Variants in NFXL1 observed in about 807,000 individuals in gnomAD.
NFXL1 encodes the protein nuclear transcription factor, X-box binding like 1.
In NFXL1, 66 loss-of-function variants were observed where a neutral mutation model predicts 123.3. The ratio of observed to expected loss-of-function variants is 0.54; its 90% CI spans 0.44 to 0.66. The LOEUF is 0.66. Ranked by LOEUF, NFXL1 falls within the 30% of genes least tolerant of loss-of-function variation. The pLI is 0.00. For missense variants in NFXL1, 944 were observed against 1,125.6 expected, an observed-to-expected ratio of 0.84 and a Z score of 2.31; for synonymous variants, 346 against 360.8, an observed-to-expected ratio of 0.96 and a Z score of 0.46.
At chr4:47,855,664 C>T (rs1378007327) in intron 19 of NFXL1, among the ~76,000 whole-genome samples, 9 of 152,106 alleles carry the variant, frequency 5.9e-5, no homozygotes, top group African/African-American at 2.2e-4. Context: ...CTTCCCTGTA[C>T]TGCACTGTGG....
chr4:47,911,624 CAA>C (rs1425562465), intron 2 of NFXL1, among the ~76,000 whole-genome samples: 1 of 152,250 alleles, frequency 6.6e-6, no homozygotes. Flanking sequence ...TTAATCCACA[CAA>C]AGTATTAACA....
intron 17 of NFXL1, among the ~76,000 whole-genome samples, chr4:47,876,026 C>G (rs1389687458): frequency 2.0e-5 from 3 of 151,964 alleles, no homozygotes; most frequent in African/African-American, 7.2e-5. Context: ...GACATGGATA[C>G]TAAATCTTAA....
intron 15 of NFXL1, among the ~76,000 whole-genome samples, chr4:47,881,398 G>C (rs1221621178): frequency 2.0e-5 from 3 of 152,088 alleles, no homozygotes; most frequent in South Asian, 4.2e-4. Flanking sequence ...TGAGAATAAA[G>C]AGCAACAACA....
intron 12 of NFXL1, among the ~76,000 whole-genome samples, chr4:47,888,972 T>G (rs1736612811): frequency 6.6e-6 from 1 of 152,326 alleles, no homozygotes; most frequent in Middle Eastern, 3.4e-3. Flanking sequence ...AGACAAATAC[T>G]GAAATATTTA....
Position 47,878,556 on chromosome 4 carries a change from G to T in NFXL1, c.2048C>A (p.Thr683Asn). ...TTTTCCAGTGCAGCCATCAGTTTTG[G>T]TTACTTTGTGGCATTCTTTCATACA... ...HTCMKECHKV[T>N]KTDGCTGKNK... Residue 683 changes from threonine (T) to asparagine (N), a missense_variant, in exon 17 of 23, where the codon ACC becomes AAC. Physicochemically the swap from Thr to Asn is moderately conservative, Grantham distance 65. Transcript: ENST00000507489. 1 of 1,599,874 alleles carries T rather than the reference G, an allele frequency of 6.3e-7. No individual in the cohort carries two copies. Among genetic ancestry groups the T allele is most frequent in the East Asian group, 2.3e-5 (1 of 44,296 alleles).
chr4:47,849,700 C>G (rs1007448744), intron 22 of NFXL1, among the ~76,000 whole-genome samples: 1 of 152,104 alleles, frequency 6.6e-6, no homozygotes, highest in Admixed American at 6.5e-5. Flanking sequence ...TGGTGACTCA[C>G]AGTCACCAAG....
At chr4:47,850,677 C>A (rs1734067678) in intron 22 of NFXL1, among the ~76,000 whole-genome samples, 1 of 151,962 alleles carries the variant, frequency 6.6e-6, no homozygotes, top group Non-Finnish European at 1.5e-5. Context: ...GATTAGTAAA[C>A]TGCACTTATT....
In NFXL1 at chr4:47,896,548, C is replaced by T. The variant is rs746582969; in HGVS notation, c.1304G>A (p.Arg435Gln). Reference protein sequence around the residue: ...GIHRCSQRCHRGPCETCRQEV... With the variant: ...GIHRCSQRCHQGPCETCRQEV... Reference sequence around the variant, plus strand: ...TTGTCTACATGTTTCACAGGGACCTCGGTGACAACGCTGTGAACATCTATG... The same window carrying T: ...TTGTCTACATGTTTCACAGGGACCTTGGTGACAACGCTGTGAACATCTATG... The change falls in exon 10 of 23, where the codon CGA (arginine) becomes CAA (glutamine). Residue 435 changes from arginine to glutamine, a missense_variant. By Grantham distance (43) the Arg-to-Gln change is conservative (BLOSUM62 1). This residue lies in a region of NFXL1 where 296 missense variants were observed against 395.1 expected (regional missense o/e 0.75). Transcript: ENST00000507489. 10 of 1,613,312 alleles carry T rather than the reference C, an allele frequency of 6.2e-6. No homozygotes were observed. In the East Asian group the frequency reaches 8.9e-5, roughly 14 times the overall value.
Position 47,905,180 on chromosome 4 carries a change from AGGCAAACTAAGGTATTTTG to A in NFXL1, c.516+38_516+56del, listed in dbSNP as rs1349124559. ...GAATAATAAATCGTTAAGTATTGTA[AGGCAAACTAAGGTATTTTG>A]GGGAGATACATTAATATAAATAAGG... On this transcript the variant is annotated intron_variant, in intron 4 of 22. Transcript: ENST00000507489. 8 of 683,362 alleles carry A rather than the reference AGGCAAACTAAGGTATTTTG, an allele frequency of 1.2e-5. No individual in the cohort carries two copies. The East Asian group carries it at 2.1e-4, about 18-fold the overall frequency. The allele number at this position is 683,362 out of a possible 1,614,324, so 42.3% of individuals were successfully genotyped here.
chr4:47,883,774 T>G (rs1736255311), intron 15 of NFXL1, among the ~76,000 whole-genome samples: 1 of 152,208 alleles, frequency 6.6e-6, no homozygotes, highest in Non-Finnish European at 1.5e-5. Context: ...GCCCCTTTTC[T>G]AACTTTATGT....
chr4:47,893,137 T>C (rs1219874567), intron 11 of NFXL1, among the ~76,000 whole-genome samples: 7 of 152,072 alleles, frequency 4.6e-5, no homozygotes, highest in South Asian at 2.1e-4. Flanking sequence ...ATTAGCAATG[T>C]TGAAGACAAA....
Position 47,890,700 on chromosome 4 carries a change from A to C in NFXL1, c.1456T>G (p.Cys486Gly). 1 of 1,591,966 alleles carries C rather than the reference A, an allele frequency of 6.3e-7. No individual in the cohort carries two copies. The highest frequency in any genetic ancestry group is 8.6e-7 in the Non-Finnish European group (1 of 1,160,324). Residue 486 changes from cysteine to glycine, a missense_variant, in exon 12 of 23, where the codon TGC becomes GGC. Cys to Gly is a radical substitution (Grantham distance 159). Around this residue, in one of 4 missense-constraint regions of NFXL1, gnomAD observed 296 missense variants for 395.1 expected, o/e 0.75. Transcript: ENST00000507489. ...TCACAAGGTGGACAGTTTCCAGGGC[A>C]ACACTGAAGAGAAAGCAATATATAA... is the stretch of plus-strand genomic sequence containing the variant. ...CQKHQCRRKC[C>G]PGNCPPCDQN...
chr4:47,853,332 T>C (rs1309723313), intron 20 of NFXL1, among the ~76,000 whole-genome samples: 1 of 152,132 alleles, frequency 6.6e-6, no homozygotes, highest in Non-Finnish European at 1.5e-5. Flanking sequence ...ACCTCTTTTA[T>C]AGTAATGGCA....
intron 2 of NFXL1, among the ~76,000 whole-genome samples, chr4:47,912,263 T>G (rs1369191073): frequency 6.6e-6 from 1 of 152,072 alleles, no homozygotes; most frequent in Non-Finnish European, 1.5e-5. Context: ...TACGGGAAAT[T>G]AGCACTTAAA....
intron 22 of NFXL1, among the ~76,000 whole-genome samples, chr4:47,848,661 A>G (rs1432928037): frequency 6.6e-6 from 1 of 152,150 alleles, no homozygotes; most frequent in Non-Finnish European, 1.5e-5. Context: ...AGGCTGAGGC[A>G]GGCGGGTCAC....
At chr4:47,893,280 C>G (rs1409134928) in intron 11 of NFXL1, among the ~76,000 whole-genome samples, 1 of 151,724 alleles carries the variant, frequency 6.6e-6, no homozygotes, top group Non-Finnish European at 1.5e-5. Context: ...AAAAAAAAAT[C>G]TGAAGAAATA....
At chr4:47,874,307 TTAA>T (rs1274052759) in intron 18 of NFXL1, among the ~76,000 whole-genome samples, 1 of 152,236 alleles carries the variant, frequency 6.6e-6, no homozygotes, top group Non-Finnish European at 1.5e-5. Context: ...TCAACTAAGC[TTAA>T]TCATTTCTAG....
intron 19 of NFXL1, among the ~76,000 whole-genome samples, chr4:47,860,115 CAA>C (rs1290002074): frequency 8.6e-5 from 13 of 151,912 alleles, no homozygotes; most frequent in African/African-American, 2.7e-4. Flanking sequence ...TAAAAATTGC[CAA>C]GAGAGATTTT....
chr4:47,868,179 C>T (rs1247681588), intron 18 of NFXL1, among the ~76,000 whole-genome samples: 3 of 152,024 alleles, frequency 2.0e-5, no homozygotes, highest in African/African-American at 4.8e-5. Flanking sequence ...ATTAGCCAGG[C>T]GTGGCGGCGG....
Sources: allele counts gnomAD v4.1 joint callset (sites outside exome capture counted in the v4.1 genomes callset), GRCh38; gene constraint gnomAD v4.1.1; regional missense constraint gnomAD v4.1.1; transcripts MANE v1.5; gene names NCBI Gene and HGNC (gene_info 2026-07-23, HGNC 2026-07-21).